Variants in VWC2L observed in about 807,000 individuals in gnomAD.
The protein encoded by VWC2L is von Willebrand factor C domain containing 2 like.
Under a neutral mutation model 21.6 loss-of-function variants are expected in VWC2L, and 10 were observed. That is an observed-to-expected ratio of 0.46 (90% CI 0.29 to 0.78). The LOEUF is 0.78. Ranked by LOEUF, VWC2L falls within the 30% of genes least tolerant of loss-of-function variation. The pLI is 0.10. For missense variants in VWC2L, 209 were observed against 277.1 expected (o/e 0.75, Z 1.74); for synonymous variants, 96 against 94.3 (o/e 1.02, Z -0.10).
chr2:214,416,859 C>T (rs1481715185), intron 2 of VWC2L, among the ~76,000 whole-genome samples: 3 of 151,988 alleles, frequency 2.0e-5, no homozygotes, highest in Non-Finnish European at 4.4e-5. Flanking sequence ...CTTGTGATGA[C>T]GGGTACACAA....
chr2:214,441,489 G>A lies in VWC2L; in HGVS notation c.520+4731G>A, dbSNP rs1702762561. Reference sequence around the variant, plus strand: ...TCAATTTTTTATTGATGATAATGTGGGATTGATGGTGCCTCATATCAGCAA... The same window carrying A: ...TCAATTTTTTATTGATGATAATGTGAGATTGATGGTGCCTCATATCAGCAA... On this transcript the variant is annotated intron_variant, in intron 3 of 3. Transcript: ENST00000312504. Among the ~76,000 whole-genome samples, 3 of 152,106 alleles carry A rather than the reference G, an allele frequency of 2.0e-5. No individual in the cohort carries two copies. The South Asian group carries it at 6.2e-4, about 32-fold the overall frequency.
At chr2:214,421,119 A>G (rs2126171891) in intron 2 of VWC2L, among the ~76,000 whole-genome samples, 1 of 152,354 alleles carries the variant, frequency 6.6e-6, no homozygotes, top group East Asian at 1.9e-4. Flanking sequence ...TAAAAAATTT[A>G]TAATGTTCAC....
chr2:214,535,997 T>G (rs4672712), intron 3 of VWC2L, among the ~76,000 whole-genome samples: 74,495 of 151,908 alleles, frequency 0.49, 18,612 homozygotes, highest in East Asian at 0.73. Context: ...TTAAATTTCC[T>G]TCCACATCTC....
chr2:214,496,901 G>C (rs1235429491), intron 3 of VWC2L, among the ~76,000 whole-genome samples: 1 of 152,048 alleles, frequency 6.6e-6, no homozygotes, highest in Non-Finnish European at 1.5e-5. Context: ...ATTTGTCATG[G>C]TCCTTCATAT....
chr2:214,552,501 G>A (rs1162553723), intron 3 of VWC2L, among the ~76,000 whole-genome samples: 1 of 152,132 alleles, frequency 6.6e-6, no homozygotes, highest in Non-Finnish European at 1.5e-5. Flanking sequence ...CTCAATGGAT[G>A]CTTCCCAACC....
rs1217418842 is a variant in VWC2L, at chr2:214,578,776, CTTGT to C, written c.*2961_*2964del. The C allele has an allele frequency of 1.3e-5, 2 of 151,654 alleles. No individual in the cohort carries two copies. The highest frequency in any genetic ancestry group is 2.9e-5 in the Non-Finnish European group (2 of 67,970). 9.4% of individuals were successfully genotyped at this position (151,654 alleles called of 1,614,324 possible). On this transcript the variant is annotated 3_prime_UTR_variant, in exon 4 of 4. Coordinates refer to ENST00000312504, the MANE Select transcript of VWC2L (RefSeq NM_001080500.4). The stretch of plus-strand genomic sequence containing the variant: ...CTATGTTAAAATAAGGGATCAACAT[CTTGT>C]TTGTCAGCTGATGCCTATTAAAAAC...
chr2:214,451,126 C>G (rs889686555), intron 3 of VWC2L, among the ~76,000 whole-genome samples: 2 of 152,064 alleles, frequency 1.3e-5, no homozygotes, highest in Non-Finnish European at 2.9e-5. Flanking sequence ...ATGCAAATTT[C>G]TGAACCCATT....
At chr2:214,506,858 T>C (rs1688974434) in intron 3 of VWC2L, among the ~76,000 whole-genome samples, 1 of 152,026 alleles carries the variant, frequency 6.6e-6, no homozygotes, top group Admixed American at 6.6e-5. Flanking sequence ...GAATATAAAT[T>C]ACATTATCCA....
rs200033661 is a variant in VWC2L, at chr2:214,453,273, GT to G, written c.520+16524del. 3.1e-3 allele frequency among the ~76,000 whole-genome samples: 475 copies of G among 151,620 alleles called. 2 individuals carry two copies. The highest frequency in any genetic ancestry group is 0.011 in the African/African-American group (450 of 41,304). On this transcript the variant is annotated intron_variant, in intron 3 of 3. Transcript: ENST00000312504. ...TATGATGCAAGAAACTGATTGAAGGGTTTTTTTTTAAATATGAATATCCAGT... is the reference window on the plus strand; with the variant it reads ...TATGATGCAAGAAACTGATTGAAGGGTTTTTTTTAAATATGAATATCCAGT...
chr2:214,530,798 A>G (rs779241593), intron 3 of VWC2L, among the ~76,000 whole-genome samples: 33 of 152,206 alleles, frequency 2.2e-4, no homozygotes, highest in Non-Finnish European at 3.8e-4. Context: ...GCCCACTCAT[A>G]AGCAAAGCTC....
chr2:214,482,478 T>C (rs2126197458), intron 3 of VWC2L, among the ~76,000 whole-genome samples: 2 of 148,128 alleles, frequency 1.4e-5, no homozygotes, highest in African/African-American at 5.2e-5. Flanking sequence ...CATATATACG[T>C]GTATGTATGT....
intron 3 of VWC2L, among the ~76,000 whole-genome samples, chr2:214,510,724 G>A (rs1689039284): frequency 6.6e-6 from 1 of 152,118 alleles, no homozygotes. Context: ...TACACACAGA[G>A]TGTATTGCCT....
intron 3 of VWC2L, among the ~76,000 whole-genome samples, chr2:214,456,840 C>G (rs1227632165): frequency 6.6e-6 from 1 of 152,064 alleles, no homozygotes; most frequent in African/African-American, 2.4e-5. Context: ...TTTCTCCCCC[C>G]ACTATGTGTT....
At chr2:214,458,090 G>T (rs1703083465) in intron 3 of VWC2L, among the ~76,000 whole-genome samples, 1 of 151,986 alleles carries the variant, frequency 6.6e-6, no homozygotes, top group Admixed American at 6.6e-5. Context: ...GCGTTTCTTT[G>T]TTGGGAGACT....
At chr2:214,548,466 T>C (rs926185965) in intron 3 of VWC2L, among the ~76,000 whole-genome samples, 3 of 152,216 alleles carry the variant, frequency 2.0e-5, no homozygotes, top group Admixed American at 6.5e-5. Context: ...CCCTGCATGA[T>C]ATAAATACTC....
At chr2:214,457,770 T>C (rs922761847) in intron 3 of VWC2L, among the ~76,000 whole-genome samples, 3 of 152,148 alleles carry the variant, frequency 2.0e-5, no homozygotes, top group Admixed American at 1.3e-4. Flanking sequence ...ATCACATTTA[T>C]GCATTTGGTT....
intron 3 of VWC2L, among the ~76,000 whole-genome samples, chr2:214,539,547 A>C (rs561031256): frequency 6.6e-6 from 1 of 152,146 alleles, no homozygotes; most frequent in South Asian, 2.1e-4. Flanking sequence ...GAGAAGCTAA[A>C]ATTTCCGTAC....
chr2:214,424,228 A>G (rs999886803), intron 2 of VWC2L, among the ~76,000 whole-genome samples: 4 of 152,164 alleles, frequency 2.6e-5, no homozygotes, highest in African/African-American at 9.6e-5. Flanking sequence ...TTTCTAAGGA[A>G]TGCTAGCATC....
At chr2:214,423,288 T>C (rs997684102) in intron 2 of VWC2L, among the ~76,000 whole-genome samples, 2 of 152,144 alleles carry the variant, frequency 1.3e-5, no homozygotes, top group Non-Finnish European at 1.5e-5. Flanking sequence ...GAATTTTAGA[T>C]CTAAAACAGA....
Sources: allele counts gnomAD v4.1 joint callset (sites outside exome capture counted in the v4.1 genomes callset), GRCh38; gene constraint gnomAD v4.1.1; transcripts MANE v1.5; gene names NCBI Gene and HGNC (gene_info 2026-07-23, HGNC 2026-07-21).